CXCL6: variants seen among roughly 807,000 people sequenced by gnomAD.
The protein encoded by CXCL6 is C-X-C motif chemokine 6.
A neutral mutation model predicts 10.5 loss-of-function variants in CXCL6; 18 were observed. The ratio of observed to expected loss-of-function variants is 1.71; its 90% CI spans 1.18 to 2.54. CXCL6 has a LOEUF of 2.54. Among genes scored for constraint, CXCL6 ranks in the 30% most tolerant of loss-of-function variants. The pLI, the probability that CXCL6 is intolerant of heterozygous loss-of-function variation, is 0.00. For missense variants in CXCL6, 171 were observed against 145.7 expected (o/e 1.17, Z -0.90); for synonymous variants, 82 against 68.3 (o/e 1.20, Z -0.99).
chr4:73,836,757 C>T lies in CXCL6; in HGVS notation c.7C>T (p.Leu3Phe). The stretch of plus-strand genomic sequence containing the variant: ...GAACCCTCTCTTGACCACTATGAGC[C>T]TCCCGTCCAGCCGCGCGGCCCGTGT... Reference protein sequence around the residue: MSLPSSRAARVPG... With the variant: MSFPSSRAARVPG... The change falls in exon 1 of 4, where the codon CTC (leucine) becomes TTC (phenylalanine). Residue 3 changes from leucine (L) to phenylalanine (F), a missense_variant. Physicochemically the swap from Leu to Phe is conservative, Grantham distance 22. Transcript: ENST00000226317. 2.5e-6 allele frequency: 4 copies of T among 1,609,734 alleles called. No homozygotes were observed. In the South Asian group the frequency reaches 4.4e-5, roughly 18 times the overall value.
At position 73,836,858 on chromosome 4, in the gene CXCL6, C is replaced by G; in HGVS notation, c.108C>G (p.Ser36Arg). The change falls in exon 1 of 4, where the codon AGC (serine) becomes AGG (arginine). Residue 36 changes from serine (S) to arginine (R), a missense_variant and splice_region_variant. Transcript: ENST00000226317. ...TGACGCCGCCGGGGCCCCTCGCCAG[C>G]GGTGAGAGCTCCTGGCACTGGGGTG... is the stretch of plus-strand genomic sequence containing the variant. Reference protein sequence around the residue: ...LLLTPPGPLASAGPVSAVLTE... With the variant: ...LLLTPPGPLARAGPVSAVLTE... 1 of 1,612,224 alleles carries G rather than the reference C, an allele frequency of 6.2e-7. No individual in the cohort carries two copies. The highest frequency in any genetic ancestry group is 8.5e-7 in the Non-Finnish European group (1 of 1,178,962).
Position 73,836,910 on chromosome 4 carries a change from G to C in CXCL6, c.109+51G>C, listed in dbSNP as rs752121401. On this transcript the variant is annotated intron_variant, in intron 1 of 3. Transcript: ENST00000226317. The stretch of plus-strand genomic sequence containing the variant: ...ATCCCAGCCTCTGCGGGGCCGCTGC[G>C]TTCCAGGGAACTCTCCCAGCAACCT... 5.2e-5 allele frequency: 84 copies of C among 1,605,932 alleles called. 1 individual carries two copies. The South Asian group carries it at 9.1e-4, about 17-fold the overall frequency.
In CXCL6 at chr4:73,837,957, A is replaced by T. The variant is rs534609360; in HGVS notation, c.*316A>T. 1.2e-5 allele frequency: 3 copies of T among 255,266 alleles called. No individual in the cohort carries two copies. The South Asian group carries it at 4.8e-4, about 41-fold the overall frequency. 15.8% of individuals were successfully genotyped at this position (255,266 alleles called of 1,614,324 possible). On this transcript the variant is annotated 3_prime_UTR_variant, in exon 4 of 4. Coordinates refer to ENST00000226317, the MANE Select transcript of CXCL6 (RefSeq NM_002993.4). The stretch of plus-strand genomic sequence containing the variant: ...AGTCTTTCAATGAATATTGAATTGA[A>T]GATAACTATTGTATTTCTATCATAC...
rs1024320208 is a variant in CXCL6 at position 73,838,546 on chromosome 4, A to T, written c.*905A>T. On this transcript the variant is annotated 3_prime_UTR_variant, in exon 4 of 4. Coordinates refer to ENST00000226317, the MANE Select transcript of CXCL6 (RefSeq NM_002993.4). ...ATATATTTGAACAATTTGAATATAA[A>T]TTCATCATTTAGTCCTCAAAATATA... 3 of 152,652 alleles carry T rather than the reference A, an allele frequency of 2.0e-5. No homozygotes were observed. The highest frequency in any genetic ancestry group is 7.2e-5 in the African/African-American group (3 of 41,444). The allele number at this position is 152,652 out of a possible 1,614,324, so 9.5% of individuals were successfully genotyped here.
Position 73,837,695 on chromosome 4 carries a change from T to C in CXCL6, c.*54T>C. ...TTGCCCAGTCTTCAGCGGAGCAGTT[T>C]TCTGGAGATCCCTGGACCCAGTAAG... On this transcript the variant is annotated 3_prime_UTR_variant, in exon 4 of 4. Coordinates refer to ENST00000226317, the MANE Select transcript of CXCL6 (RefSeq NM_002993.4). 6.7e-7 allele frequency: 1 copy of C among 1,481,486 alleles called. No individual in the cohort carries two copies. Among genetic ancestry groups the C allele is most frequent in the Non-Finnish European group, 9.1e-7 (1 of 1,103,674 alleles). The allele number at this position is 1,481,486 out of a possible 1,614,324, so 91.8% of individuals were successfully genotyped here. A position where few individuals can be genotyped will look rare whatever the true frequency, so the allele number is the denominator to read the frequency against.
At chr4:73,837,354 C>T (rs537103202) in intron 3 of CXCL6, 68 bp downstream of exon 3, 2 of 1,350,742 alleles carry the variant, frequency 1.5e-6, no homozygotes, top group African/African-American at 1.4e-5. Context: ...TCACAATGTC[C>T]TTATTCTCTC....
Position 73,837,604 on chromosome 4 carries a change from A to G in CXCL6, c.327-19A>G, listed in dbSNP as rs1250221783. Reference sequence around the variant, plus strand: ...GAGTGTGGGAATTGGTTATACTAATATAACTCTTTTCTCAACAGTGGAAAC... The same window carrying G: ...GAGTGTGGGAATTGGTTATACTAATGTAACTCTTTTCTCAACAGTGGAAAC... On this transcript the variant is annotated intron_variant, in intron 3 of 3. Coordinates refer to ENST00000226317, the MANE Select transcript of CXCL6 (RefSeq NM_002993.4). 6.4e-6 allele frequency: 10 copies of G among 1,565,734 alleles called. No individual in the cohort carries two copies. The highest frequency in any genetic ancestry group is 4.6e-5 in the East Asian group (2 of 43,338).
intron 3 of CXCL6, 57 bp from the exon 4 acceptor site, chr4:73,837,566 A>G (rs1224151431): frequency 3.9e-6 from 6 of 1,536,858 alleles, no homozygotes; most frequent in Non-Finnish European, 5.3e-6. Flanking sequence ...TGAAAACCAA[A>G]TGTAGCATAC....
At chr4:73,836,939 C>T (rs1560512747) in intron 1 of CXCL6, 25 bp from the exon 2 acceptor site, 2 of 1,603,640 alleles carry the variant, frequency 1.2e-6, no homozygotes, top group Non-Finnish European at 1.7e-6. Flanking sequence ...GCAACCTGCC[C>T]TATAAAAATG....
chr4:73,837,241 C>T lies in CXCL6; in HGVS notation c.281C>T (p.Pro94Leu), dbSNP rs975429889. 3.1e-6 allele frequency: 5 copies of T among 1,614,016 alleles called. No individual in the cohort carries two copies. Among genetic ancestry groups the T allele is most frequent in the Admixed American group, 1.7e-5 (1 of 60,000 alleles). ...AACGGGAAGCAAGTTTGTCTGGACC[C>T]GGAAGCCCCTTTTCTAAAGAAAGTC... Reference protein sequence around the residue: ...LKNGKQVCLDPEAPFLKKVIQ... With the variant: ...LKNGKQVCLDLEAPFLKKVIQ... Residue 94 changes from proline (P) to leucine (L), a missense_variant, in exon 3 of 4, where the codon CCG becomes CTG. Physicochemically the swap from Pro to Leu is moderately conservative, Grantham distance 98. Coordinates refer to ENST00000226317, the MANE Select transcript of CXCL6 (RefSeq NM_002993.4).
In CXCL6 at chr4:73,836,678, C is replaced by A; in HGVS notation, c.-73C>A. ...GGGAGTGCAGAAGGCACGAGGAAACCAAAGTGCTCTGTATCCTCCAGTCTC... is the reference window on the plus strand; with the variant it reads ...GGGAGTGCAGAAGGCACGAGGAAACAAAAGTGCTCTGTATCCTCCAGTCTC... On this transcript the variant is annotated 5_prime_UTR_variant, in exon 1 of 4. Coordinates refer to ENST00000226317, the MANE Select transcript of CXCL6 (RefSeq NM_002993.4). 1.5e-6 allele frequency: 2 copies of A among 1,310,264 alleles called. No homozygotes were observed. Among genetic ancestry groups the A allele is most frequent in the South Asian group, 1.3e-5 (1 of 79,704 alleles). The allele number at this position is 1,310,264 out of a possible 1,614,324, so 81.2% of individuals were successfully genotyped here.
Position 73,837,036 on chromosome 4 carries a change from A to G in CXCL6, c.182A>G (p.Lys61Arg), listed in dbSNP as rs1460631015. 4 of 1,613,888 alleles carry G rather than the reference A, an allele frequency of 2.5e-6. No individual in the cohort carries two copies. The highest frequency in any genetic ancestry group is 3.4e-6 in the Non-Finnish European group (4 of 1,179,926). The change falls in exon 2 of 4, where the codon AAA (lysine) becomes AGA (arginine). Residue 61 changes from lysine to arginine, a missense_variant. Lys to Arg is a conservative substitution (Grantham distance 26). Coordinates refer to ENST00000226317, the MANE Select transcript of CXCL6 (RefSeq NM_002993.4). ...CGCGTTACGCTGAGAGTAAACCCCA[A>G]AACGATTGGTAAACTGCAGGTGTTC... is the stretch of plus-strand genomic sequence containing the variant. The part of the protein sequence containing the change: ...CLRVTLRVNP[K>R]TIGKLQVFPA...
rs1276498230 is a variant in CXCL6, at chr4:73,836,769, C to A, written c.19C>A (p.Arg7Ser). MSLPSS[R>S]AARVPGPSGS... is the part of the protein sequence containing the mutation. ...GACCACTATGAGCCTCCCGTCCAGC[C>A]GCGCGGCCCGTGTCCCGGGTCCTTC... Residue 7 changes from arginine (R) to serine (S), a missense_variant, in exon 1 of 4, where the codon CGC (arginine) becomes AGC (serine). Arg to Ser is a moderately radical substitution (Grantham distance 110). Transcript: ENST00000226317. 3 of 1,610,914 alleles carry A rather than the reference C, an allele frequency of 1.9e-6. No homozygotes were observed. Among genetic ancestry groups the A allele is most frequent in the South Asian group, 2.2e-5 (2 of 90,860 alleles).
At position 73,838,035 on chromosome 4, in the gene CXCL6, T is replaced by G. The variant is rs1205556730; in HGVS notation, c.*394T>G. The stretch of plus-strand genomic sequence containing the variant: ...GTGGATTTCGTATGGAAATAATGTT[T>G]TATTAGTGTGCTGTTGAGGGAGGTA... On this transcript the variant is annotated 3_prime_UTR_variant, in exon 4 of 4. Coordinates refer to ENST00000226317, the MANE Select transcript of CXCL6 (RefSeq NM_002993.4). The G allele has an allele frequency of 1.2e-5, 2 of 160,400 alleles. No individual in the cohort carries two copies. Among genetic ancestry groups the G allele is most frequent in the African/African-American group, 4.8e-5 (2 of 41,808 alleles). 9.9% of individuals were successfully genotyped at this position (160,400 alleles called of 1,614,324 possible).
At position 73,838,360 on chromosome 4, in the gene CXCL6, T is replaced by TA. The variant is rs1731149709; in HGVS notation, c.*720dup. 1.3e-5 allele frequency: 2 copies of TA among 152,236 alleles called. No homozygotes were observed. The highest frequency in any genetic ancestry group is 4.8e-5 in the African/African-American group (2 of 41,468). 9.4% of individuals were successfully genotyped at this position (152,236 alleles called of 1,614,324 possible). A position where few individuals can be genotyped will look rare whatever the true frequency, so the allele number is the denominator to read the frequency against. ...GATTTTGTATGCTATTTTTTCACTA[T>TA]AGGATGACTATAATTCTGGTCACTA... On this transcript the variant is annotated 3_prime_UTR_variant, in exon 4 of 4. Transcript: ENST00000226317.
At chr4:73,837,174 T>C (rs1261082331) in intron 2 of CXCL6, 29 bp from the exon 3 acceptor site, 1 of 1,614,014 alleles carries the variant, frequency 6.2e-7, no homozygotes, top group Admixed American at 1.7e-5. Context: ...TTGTGGCTCA[T>C]GGGTGCATCC....
Position 73,837,938 on chromosome 4 carries a change from T to C in CXCL6, c.*297T>C, listed in dbSNP as rs567179448. ...CAAAGAATCACTGGTTATTAGTCTT[T>C]CAATGAATATTGAATTGAAGATAAC... On this transcript the variant is annotated 3_prime_UTR_variant, in exon 4 of 4. Coordinates refer to ENST00000226317, the MANE Select transcript of CXCL6 (RefSeq NM_002993.4). 3.1e-5 allele frequency: 9 copies of C among 291,496 alleles called. No individual in the cohort carries two copies. In the South Asian group the frequency reaches 1.2e-3, roughly 38 times the overall value. The allele number at this position is 291,496 out of a possible 1,614,324, so 18.1% of individuals were successfully genotyped here. A position where few individuals can be genotyped will look rare whatever the true frequency, so the allele number is the denominator to read the frequency against.
At position 73,837,053 on chromosome 4, in the gene CXCL6, C is replaced by T; in HGVS notation, c.199C>T (p.Gln67Ter). ...RVNPKTIGKL[Q>*]VFPAGPQCSK... ...AAACCCCAAAACGATTGGTAAACTG[C>T]AGGTGTTCCCCGCAGGCCCGCAGTG... Residue 67 changes from glutamine to a stop codon, truncating the protein, a stop_gained, in exon 2 of 4, where the codon CAG becomes TAG. Coordinates refer to ENST00000226317, the MANE Select transcript of CXCL6 (RefSeq NM_002993.4). LOFTEE classifies it high-confidence loss of function. 6.2e-7 allele frequency: 1 copy of T among 1,613,894 alleles called. No individual in the cohort carries two copies. Among genetic ancestry groups the T allele is most frequent in the South Asian group, 1.1e-5 (1 of 91,040 alleles).
rs1174483262 is a variant in CXCL6, at chr4:73,838,533, A to G, written c.*892A>G. 1 of 152,652 alleles carries G rather than the reference A, an allele frequency of 6.6e-6. No homozygotes were observed. The highest frequency in any genetic ancestry group is 1.9e-4 in the East Asian group (1 of 5,204). 9.5% of individuals were successfully genotyped at this position (152,652 alleles called of 1,614,324 possible). On this transcript the variant is annotated 3_prime_UTR_variant, in exon 4 of 4. Transcript: ENST00000226317. ...GAAAGTTTTGAAAATATATTTGAACAATTTGAATATAAATTCATCATTTAG... is the reference window on the plus strand; with the variant it reads ...GAAAGTTTTGAAAATATATTTGAACGATTTGAATATAAATTCATCATTTAG...
Sources: gnomAD v4.1 joint callset for allele counts on GRCh38, gnomAD v4.1.1 for gene constraint, MANE v1.5 for transcripts, NCBI Gene and HGNC (gene_info 2026-07-23, HGNC 2026-07-21) for gene names.